Variants in SRPK1 observed in about 807,000 individuals in gnomAD.
SRPK1 encodes SFRS protein kinase 1.
A neutral mutation model predicts 89.5 loss-of-function variants in SRPK1; 52 were observed. The observed-to-expected ratio is 0.58, with a 90% CI of 0.46 to 0.73. SRPK1 has a LOEUF of 0.73. Among genes scored for constraint, SRPK1 ranks in the 30% least tolerant of loss-of-function variants. The pLI, the probability that SRPK1 is intolerant of heterozygous loss-of-function variation, is 0.00. For missense variants in SRPK1, 603 were observed against 780.6 expected, an observed-to-expected ratio of 0.77 and a Z score of 2.71; for synonymous variants, 255 against 270.2, an observed-to-expected ratio of 0.94 and a Z score of 0.55.
At chr6:35,889,363 A>G (rs1437363171) in intron 3 of SRPK1, among the ~76,000 whole-genome samples, 1 of 151,950 alleles carries the variant, frequency 6.6e-6, no homozygotes, top group Non-Finnish European at 1.5e-5. Context: ...ACAAAACAAA[A>G]CAGCCCAGGC....
intron 10 of SRPK1, 96 bp downstream of exon 10, chr6:35,870,185 G>T: frequency 9.6e-7 from 1 of 1,040,898 alleles, no homozygotes; most frequent in Non-Finnish European, 1.4e-6. Flanking sequence ...TACCCCCAGA[G>T]ATGTGTTGTA....
intron 14 of SRPK1, among the ~76,000 whole-genome samples, chr6:35,839,080 G>A (rs1482080785): frequency 1.3e-5 from 2 of 152,218 alleles, no homozygotes; most frequent in African/African-American, 2.4e-5. Context: ...ATAAAAAACT[G>A]TCCAAATATG....
intron 2 of SRPK1, among the ~76,000 whole-genome samples, chr6:35,904,044 T>C (rs1286725864): frequency 1.3e-5 from 2 of 151,808 alleles, no homozygotes; most frequent in Non-Finnish European, 2.9e-5. Context: ...GCTTAAGTGA[T>C]CCTCCCACCT....
At chr6:35,879,829 T>C (rs1770234735) in intron 6 of SRPK1, among the ~76,000 whole-genome samples, 1 of 152,052 alleles carries the variant, frequency 6.6e-6, no homozygotes, top group African/African-American at 2.4e-5. Context: ...CCTATCACTT[T>C]CAGAAGCCAA....
At chr6:35,864,650 A>T (rs1402997383) in intron 12 of SRPK1, among the ~76,000 whole-genome samples, 6 of 152,216 alleles carry the variant, frequency 3.9e-5, no homozygotes, top group Non-Finnish European at 7.3e-5. Flanking sequence ...TCCCTCAGAA[A>T]ACTAGAGCTA....
At chr6:35,915,738 C>A (rs1408812206) in intron 2 of SRPK1, among the ~76,000 whole-genome samples, 6 of 151,732 alleles carry the variant, frequency 4.0e-5, no homozygotes, top group African/African-American at 9.7e-5. Context: ...TTTGGGAGGC[C>A]GAGGTGGGCG....
At chr6:35,920,207 G>C in intron 2 of SRPK1, 1 of 583,650 alleles carries the variant, frequency 1.7e-6, no homozygotes, top group South Asian at 1.5e-5. Flanking sequence ...GAGTTGGGGA[G>C]GAAAGGTACC....
At chr6:35,839,955 G>A (rs1021504395) in intron 14 of SRPK1, among the ~76,000 whole-genome samples, 3 of 151,960 alleles carry the variant, frequency 2.0e-5, no homozygotes, top group African/African-American at 7.3e-5. Flanking sequence ...TGGGATTACA[G>A]GTGTGAGCCA....
In SRPK1 at chr6:35,871,632, T is replaced by A. The variant is rs372835521; in HGVS notation, c.752-673A>T. ...TAGTCTTCCTTTTTAAAGAAGTGTA[T>A]AACTAATAACTCAACTTGAGGATCA... On this transcript the variant is annotated intron_variant, in intron 8 of 15. Transcript: ENST00000373825. Among the ~76,000 whole-genome samples, 45 of 152,282 alleles carry A rather than the reference T, an allele frequency of 3.0e-4. No individual in the cohort carries two copies. In the East Asian group the frequency reaches 6.4e-3, roughly 22 times the overall value.
At chr6:35,877,367 G>C (rs1040892699) in intron 6 of SRPK1, among the ~76,000 whole-genome samples, 3 of 151,982 alleles carry the variant, frequency 2.0e-5, no homozygotes, top group Non-Finnish European at 4.4e-5. Flanking sequence ...CAGCCAACAA[G>C]GTAAAACTTA....
intron 3 of SRPK1, among the ~76,000 whole-genome samples, chr6:35,890,272 A>C (rs1248064510): frequency 2.0e-5 from 3 of 152,126 alleles, no homozygotes; most frequent in African/African-American, 7.2e-5. Context: ...AAACAAAAAA[A>C]CCCCCAAAAA....
chr6:35,909,994 T>C (rs1770928082), intron 2 of SRPK1, among the ~76,000 whole-genome samples: 2 of 152,130 alleles, frequency 1.3e-5, no homozygotes, highest in South Asian at 2.1e-4. Flanking sequence ...TCTTTCTTTT[T>C]TTTTTTAAGA....
rs957941183 is a variant in SRPK1 at position 35,870,023 on chromosome 6, A to G, written c.992-122T>C. ...TACTGAGTGACATAAAAACATGACT[A>G]AACATCTAAAACCTATTTCCGGAAG... is the stretch of plus-strand genomic sequence containing the variant. On this transcript the variant is annotated intron_variant, in intron 10 of 15. Transcript: ENST00000373825. 6.1e-5 allele frequency: 70 copies of G among 1,151,390 alleles called. No homozygotes were observed. In the Admixed American group the frequency reaches 1.3e-3, roughly 21 times the overall value. The allele number at this position is 1,151,390 out of a possible 1,614,324, so 71.3% of individuals were successfully genotyped here. A position where few individuals can be genotyped will look rare whatever the true frequency, so the allele number is the denominator to read the frequency against.
chr6:35,874,619 A>C (rs1207565966), intron 6 of SRPK1, among the ~76,000 whole-genome samples: 1 of 152,242 alleles, frequency 6.6e-6, no homozygotes, highest in African/African-American at 2.4e-5. Context: ...AGTGAAACCT[A>C]CATATGCAAA....
intron 2 of SRPK1, among the ~76,000 whole-genome samples, chr6:35,900,126 C>T (rs1770711272): frequency 6.6e-6 from 1 of 152,078 alleles, no homozygotes; most frequent in African/African-American, 2.4e-5. Context: ...ATAGTTACAG[C>T]AAAGGTCTCT....
intron 6 of SRPK1, among the ~76,000 whole-genome samples, chr6:35,877,735 T>C (rs1041254614): frequency 9.2e-5 from 14 of 151,736 alleles, no homozygotes; most frequent in Admixed American, 8.5e-4. Flanking sequence ...CCCAGCTACT[T>C]AGGAGGCTAA....
intron 2 of SRPK1, among the ~76,000 whole-genome samples, chr6:35,894,536 G>T (rs1770590580): frequency 6.6e-6 from 1 of 152,100 alleles, no homozygotes; most frequent in Non-Finnish European, 1.5e-5. Flanking sequence ...AATTATTAAA[G>T]AAATTCAAGA....
intron 8 of SRPK1, among the ~76,000 whole-genome samples, chr6:35,871,904 CTAAT>C (rs1240664286): frequency 6.6e-6 from 1 of 151,776 alleles, no homozygotes; most frequent in East Asian, 1.9e-4. Flanking sequence ...CTATGCCTGG[CTAAT>C]TTTTTTAATT....
chr6:35,915,194 G>A (rs1771060880), intron 2 of SRPK1, among the ~76,000 whole-genome samples: 1 of 152,106 alleles, frequency 6.6e-6, no homozygotes, highest in African/African-American at 2.4e-5. Flanking sequence ...GCGACGTCAG[G>A]AGATCGAGAC....
Sources: gnomAD v4.1 joint callset for allele counts (sites outside exome capture counted in the v4.1 genomes callset) on GRCh38, gnomAD v4.1.1 for gene constraint, MANE v1.5 for transcripts, NCBI Gene and HGNC (gene_info 2026-07-23, HGNC 2026-07-21) for gene names.